ZNF407: variants seen among roughly 807,000 people sequenced by gnomAD.
ZNF407 encodes the protein zinc finger protein 407.
Under a neutral mutation model 131.2 loss-of-function variants are expected in ZNF407, and 17 were observed. That is an observed-to-expected ratio of 0.13 (90% confidence interval 0.09 to 0.19). The LOEUF (loss-of-function observed/expected upper bound fraction) is 0.19. ZNF407 is among the 10% of genes least tolerant of loss of function. ZNF407 has a pLI of 1.00. For missense variants in ZNF407, 2,681 were observed against 2,830.6 expected, an observed-to-expected ratio of 0.95 and a Z score of 1.20; for synonymous variants, 1,156 against 1,062.0, an observed-to-expected ratio of 1.09 and a Z score of -1.72.
intron 7 of ZNF407, among the ~76,000 whole-genome samples, chr18:74,918,255 G>T (rs910804819): frequency 2.0e-5 from 3 of 152,194 alleles, no homozygotes; most frequent in Non-Finnish European, 4.4e-5. Context: ...GCTGGCTGTG[G>T]TGTACTTGAA....
At chr18:74,781,543 G>GT in intron 4 of ZNF407, 41 bp downstream of exon 4, 1 of 1,405,318 alleles carries the variant, frequency 7.1e-7, no homozygotes, top group Non-Finnish European at 9.5e-7. Context: ...AATACAATTT[G>GT]ATTTTTATTT....
chr18:75,034,723 G>A (rs1050492098), intron 8 of ZNF407, among the ~76,000 whole-genome samples: 1 of 151,976 alleles, frequency 6.6e-6, no homozygotes, highest in Non-Finnish European at 1.5e-5. Flanking sequence ...TTATTAATTA[G>A]GTACATTTTG....
chr18:74,627,680 T>A (rs1983844665), intron 1 of ZNF407, among the ~76,000 whole-genome samples: 1 of 152,150 alleles, frequency 6.6e-6, no homozygotes, highest in South Asian at 2.1e-4. Context: ...CTTGATTCTT[T>A]ATAAACAAAG....
chr18:74,962,678 C>T (rs1028885744), intron 8 of ZNF407, among the ~76,000 whole-genome samples: 1 of 152,244 alleles, frequency 6.6e-6, no homozygotes, highest in African/African-American at 2.4e-5. Context: ...CATACAGCAC[C>T]CTCTTCCCTC....
At chr18:74,843,999 T>C (rs535990378) in intron 4 of ZNF407, among the ~76,000 whole-genome samples, 1 of 152,254 alleles carries the variant, frequency 6.6e-6, no homozygotes, top group South Asian at 2.1e-4. Flanking sequence ...GTTAAAAATA[T>C]AGATGAAAGT....
chr18:74,906,973 A>C (rs1022625020), intron 7 of ZNF407, among the ~76,000 whole-genome samples: 3 of 152,206 alleles, frequency 2.0e-5, no homozygotes, highest in South Asian at 2.1e-4. Context: ...ATATGTGTGC[A>C]CACATACTTT....
chr18:74,888,851 A>G (rs566180476), intron 6 of ZNF407, among the ~76,000 whole-genome samples: 1 of 152,304 alleles, frequency 6.6e-6, no homozygotes, highest in South Asian at 2.1e-4. Context: ...ATGCTATTTC[A>G]CTATCTTCGT....
At chr18:74,920,861 T>G in intron 8 of ZNF407, 169 bp downstream of exon 8, 1 of 1,271,358 alleles carries the variant, frequency 7.9e-7, no homozygotes, top group Non-Finnish European at 1.0e-6. Context: ...CCCACTCAAC[T>G]ATGAAAACAG....
chr18:74,754,326 G>T (rs537486036), intron 3 of ZNF407, among the ~76,000 whole-genome samples: 1 of 152,190 alleles, frequency 6.6e-6, no homozygotes, highest in East Asian at 1.9e-4. Context: ...TTTTTGAAGG[G>T]TTTTTTGTGT....
intron 8 of ZNF407, among the ~76,000 whole-genome samples, chr18:74,944,944 T>C (rs1460244821): frequency 6.6e-6 from 1 of 152,186 alleles, no homozygotes; most frequent in Non-Finnish European, 1.5e-5. Flanking sequence ...CATTTTTTTG[T>C]TGTTGTTGAT....
chr18:74,904,252 G>A (rs548182434), intron 7 of ZNF407, among the ~76,000 whole-genome samples: 8 of 152,312 alleles, frequency 5.3e-5, no homozygotes, highest in Non-Finnish European at 7.3e-5. Flanking sequence ...AGCATTTAGC[G>A]TGGTGAGGAT....
chr18:74,798,962 C>A (rs1209607237), intron 4 of ZNF407, among the ~76,000 whole-genome samples: 3 of 151,848 alleles, frequency 2.0e-5, no homozygotes, highest in African/African-American at 7.3e-5. Flanking sequence ...GGTTTACTAC[C>A]TTTTGTCTTA....
chr18:74,639,507 A>T (rs1235622621), intron 2 of ZNF407, among the ~76,000 whole-genome samples: 1 of 152,214 alleles, frequency 6.6e-6, no homozygotes, highest in Non-Finnish European at 1.5e-5. Context: ...TTTTATCAGA[A>T]TCATTTAAAT....
intron 4 of ZNF407, chr18:74,804,579 T>C (rs537160662): frequency 2.0e-6 from 2 of 985,392 alleles, no homozygotes; most frequent in Admixed American, 1.2e-4. Flanking sequence ...ATCACAATGG[T>C]ACTATACATC....
chr18:74,853,499 G>C (rs1427479479), intron 4 of ZNF407, among the ~76,000 whole-genome samples: 1 of 152,108 alleles, frequency 6.6e-6, no homozygotes, highest in Non-Finnish European at 1.5e-5. Flanking sequence ...TGCATCGTTA[G>C]GCTTTACGAT....
chr18:74,619,530 T>A (rs1454976984), intron 1 of ZNF407, among the ~76,000 whole-genome samples: 3 of 152,246 alleles, frequency 2.0e-5, no homozygotes, highest in Non-Finnish European at 4.4e-5. Context: ...AACTTTTATC[T>A]TGGAATGCCT....
At chr18:74,660,177 T>C (rs777259478) in intron 3 of ZNF407, among the ~76,000 whole-genome samples, 1 of 152,102 alleles carries the variant, frequency 6.6e-6, no homozygotes, top group Non-Finnish European at 1.5e-5. Context: ...TTGCATATGG[T>C]AGAGTTTAAA....
intron 4 of ZNF407, among the ~76,000 whole-genome samples, chr18:74,840,696 A>G (rs1970620022): frequency 6.6e-6 from 1 of 152,094 alleles, no homozygotes; most frequent in African/African-American, 2.4e-5. Context: ...TTCCTGTCCC[A>G]GCTGATGAGA....
At chr18:74,670,570 A>G (rs748858318) in intron 3 of ZNF407, among the ~76,000 whole-genome samples, 5 of 152,234 alleles carry the variant, frequency 3.3e-5, no homozygotes, top group East Asian at 1.9e-4. Context: ...TCCAAAAAAT[A>G]ATTATTGAGT....
Sources: allele counts gnomAD v4.1 joint callset (sites outside exome capture counted in the v4.1 genomes callset), GRCh38; gene constraint gnomAD v4.1.1; transcripts MANE v1.5; gene names NCBI Gene and HGNC (gene_info 2026-07-23, HGNC 2026-07-21).